The following PAPSS2 variants were observed in gnomAD, a reference collection of about 807,000 sequenced individuals.
PAPSS2 encodes the protein bifunctional 3'-phosphoadenosine 5'-phosphosulfate synthase 2.
In PAPSS2, 61 loss-of-function variants were observed where a neutral mutation model predicts 66.5. The observed-to-expected ratio is 0.92, with a 90% CI of 0.75 to 1.14. PAPSS2 has a LOEUF of 1.14. PAPSS2 is among the 50% of genes most tolerant of loss of function. The pLI is 0.00. For missense variants in PAPSS2, 708 were observed against 789.6 expected (o/e 0.90, Z 1.24); for synonymous variants, 289 against 287.5 (o/e 1.01, Z -0.05).
At chr10:87,692,131 G>A (rs1254691579) in intron 1 of PAPSS2, among the ~76,000 whole-genome samples, 1 of 152,140 alleles carries the variant, frequency 6.6e-6, no homozygotes, top group Non-Finnish European at 1.5e-5. Flanking sequence ...TAATGAAGGA[G>A]ACAAGCAATA....
chr10:87,693,164 C>G (rs1853191927), intron 1 of PAPSS2, among the ~76,000 whole-genome samples: 1 of 152,128 alleles, frequency 6.6e-6, no homozygotes, highest in Admixed American at 6.5e-5. Context: ...GGAGACTGTG[C>G]CTTCTGATCA....
At chr10:87,735,801 G>C (rs1853791449) in intron 9 of PAPSS2, among the ~76,000 whole-genome samples, 1 of 152,190 alleles carries the variant, frequency 6.6e-6, no homozygotes, top group Non-Finnish European at 1.5e-5. Context: ...TTCAGATATT[G>C]TCAAATGTCA....
intron 8 of PAPSS2, among the ~76,000 whole-genome samples, chr10:87,725,117 T>A (rs1159466892): frequency 6.6e-6 from 1 of 152,216 alleles, no homozygotes; most frequent in Non-Finnish European, 1.5e-5. Context: ...CAAAGTCTAC[T>A]GATTTAAATG....
chr10:87,683,553 T>C (rs10887741), intron 1 of PAPSS2, among the ~76,000 whole-genome samples: 49,703 of 152,110 alleles, frequency 0.33, 8,771 homozygotes, highest in East Asian at 0.44. Context: ...ACGTGCAGGG[T>C]TCCTAGAAAT....
At chr10:87,707,983 TTCTG>T (rs1853413882) in intron 1 of PAPSS2, among the ~76,000 whole-genome samples, 2 of 152,366 alleles carry the variant, frequency 1.3e-5, no homozygotes, top group Admixed American at 1.3e-4. Flanking sequence ...GAAACCTGGA[TTCTG>T]TCTGTCATTA....
intron 9 of PAPSS2, among the ~76,000 whole-genome samples, chr10:87,735,715 T>G (rs1169524327): frequency 6.6e-6 from 1 of 152,216 alleles, no homozygotes; most frequent in East Asian, 1.9e-4. Flanking sequence ...CTGTGCAATG[T>G]AGGATATTTA....
chr10:87,732,277 A>G (rs1853739524), intron 9 of PAPSS2, among the ~76,000 whole-genome samples: 1 of 152,116 alleles, frequency 6.6e-6, no homozygotes, highest in South Asian at 2.1e-4. Flanking sequence ...TCACCCTGTA[A>G]TCCCAACACT....
At position 87,701,284 on chromosome 10, in the gene PAPSS2, C is replaced by A. The variant is rs559450160; in HGVS notation, c.28-7912C>A. On this transcript the variant is annotated intron_variant, in intron 1 of 12. Transcript: ENST00000456849. ...CTTCCTTTCTTCCTTTCTCTTTTTT[C>A]TTTCTTTCTTTCTTTTTTCCTTCCT... Among the ~76,000 whole-genome samples the A allele has an allele frequency of 1.4e-4, 17 of 118,038 alleles. No homozygotes were observed. In the East Asian group the frequency reaches 4.5e-3, roughly 31 times the overall value. The allele number at this position is 118,038 out of a possible 152,430, so 77.4% of individuals were successfully genotyped here.
At chr10:87,735,714 G>A (rs1024758934) in intron 9 of PAPSS2, among the ~76,000 whole-genome samples, 6 of 152,208 alleles carry the variant, frequency 3.9e-5, no homozygotes, top group Admixed American at 6.5e-5. Context: ...TCTGTGCAAT[G>A]TAGGATATTT....
intron 1 of PAPSS2, among the ~76,000 whole-genome samples, chr10:87,668,313 G>A (rs1034864052): frequency 2.0e-5 from 3 of 152,102 alleles, no homozygotes; most frequent in South Asian, 2.1e-4. Context: ...AAATCCTCAC[G>A]TATATATTTG....
At position 87,713,159 on chromosome 10, in the gene PAPSS2, A is replaced by G; in HGVS notation, c.230A>G (p.Asp77Gly). ...VSHAIPCYSL[D>G]GDNVRHGLNR... ...CATGCCATCCCTTGTTACTCCCTGG[A>G]TGGGGACAATGTCCGTCATGGCCTT... The change falls in exon 3 of 13, where the codon GAT (aspartate) becomes GGT (glycine). Residue 77 changes from aspartate (D) to glycine (G), a missense_variant. Coordinates refer to ENST00000456849, the MANE Select transcript of PAPSS2 (RefSeq NM_001015880.2). 3 of 1,613,380 alleles carry G rather than the reference A, an allele frequency of 1.9e-6. No individual in the cohort carries two copies. Among genetic ancestry groups the G allele is most frequent in the Non-Finnish European group, 1.7e-6 (2 of 1,179,620 alleles).
At chr10:87,660,567 C>G (rs1852737554) in intron 1 of PAPSS2, among the ~76,000 whole-genome samples, 1 of 152,008 alleles carries the variant, frequency 6.6e-6, no homozygotes, top group Non-Finnish European at 1.5e-5. Context: ...TGGGTGGCAT[C>G]TCGAGTTCAG....
intron 1 of PAPSS2, among the ~76,000 whole-genome samples, chr10:87,707,893 C>A (rs1173996228): frequency 6.6e-6 from 1 of 152,086 alleles, no homozygotes; most frequent in Non-Finnish European, 1.5e-5. Flanking sequence ...CTAGCTCTTG[C>A]TAAAAAAAGT....
chr10:87,732,472 G>T (rs1853741483), intron 9 of PAPSS2, among the ~76,000 whole-genome samples: 1 of 151,800 alleles, frequency 6.6e-6, no homozygotes, highest in African/African-American at 2.4e-5. Context: ...GCAGTGAGCT[G>T]TGATTGTATC....
chr10:87,709,158 T>C (rs1853432865), intron 1 of PAPSS2, 38 bp from the exon 2 acceptor site: 2 of 1,347,168 alleles, frequency 1.5e-6, no homozygotes, highest in Non-Finnish European at 2.1e-6. Context: ...ATGTGTTTTA[T>C]TAATTAATAC....
intron 8 of PAPSS2, among the ~76,000 whole-genome samples, chr10:87,723,936 A>G (rs1435010891): frequency 6.6e-6 from 1 of 152,204 alleles, no homozygotes; most frequent in Admixed American, 6.5e-5. Context: ...CTCTGGAGTT[A>G]AATGTTTTCT....
intron 6 of PAPSS2, 85 bp from the exon 7 acceptor site, chr10:87,715,647 A>G: frequency 1.2e-6 from 1 of 811,578 alleles, no homozygotes. Flanking sequence ...CCTCCTGTTA[A>G]CTGAATAAGA....
At chr10:87,667,532 A>G (rs1852829083) in intron 1 of PAPSS2, among the ~76,000 whole-genome samples, 1 of 152,246 alleles carries the variant, frequency 6.6e-6, no homozygotes, top group African/African-American at 2.4e-5. Flanking sequence ...GAGCCACTGT[A>G]TTAAAACTTG....
chr10:87,684,236 T>C (rs1194710581), intron 1 of PAPSS2, among the ~76,000 whole-genome samples: 2 of 152,234 alleles, frequency 1.3e-5, no homozygotes, highest in Non-Finnish European at 2.9e-5. Flanking sequence ...AGCTAGGTTT[T>C]TGGCTGGACT....
Sources: allele counts gnomAD v4.1 joint callset (sites outside exome capture counted in the v4.1 genomes callset), GRCh38; gene constraint gnomAD v4.1.1; transcripts MANE v1.5; gene names NCBI Gene and HGNC (gene_info 2026-07-23, HGNC 2026-07-21).